PPARG: variants seen among roughly 807,000 people sequenced by gnomAD.
PPARG encodes the protein peroxisome proliferator activated receptor gamma.
In PPARG, 17 loss-of-function variants were observed where a neutral mutation model predicts 39.2. The observed-to-expected ratio is 0.43, with a 90% CI of 0.30 to 0.65. The LOEUF (loss-of-function observed/expected upper bound fraction) is 0.65. PPARG is among the 30% of genes least tolerant of loss of function. The probability of loss-of-function intolerance (pLI) is 0.13; values close to 1 mark genes in which losing one functional copy is unlikely to be tolerated. For synonymous variants in PPARG, 223 were observed against 215.7 expected, an observed-to-expected ratio of 1.03 and a Z score of -0.30; for missense variants, 406 against 585.9, an observed-to-expected ratio of 0.69 and a Z score of 3.17.
rs149324518 is a variant in PPARG, at chr3:12,379,775, G to A, written c.64G>A (p.Val22Ile). 48 of 1,613,886 alleles carry A rather than the reference G, an allele frequency of 3.0e-5. No individual in the cohort carries two copies. In the African/African-American group the frequency reaches 4.0e-4, roughly 13 times the overall value. ...NFGISSVDLS[V>I]MEDHSHSFDI... is the part of the protein sequence containing the mutation. ...TGGGATCAGCTCCGTGGATCTCTCC[G>A]TAATGGAAGACCACTCCCACTCCTT... The change falls in exon 3 of 8, where the codon GTA becomes ATA. Residue 22 changes from valine to isoleucine, a missense_variant. By Grantham distance (29) the Val-to-Ile change is conservative. Around this residue, in one of 2 missense-constraint regions of PPARG, gnomAD observed 131 missense variants for 127.9 expected, o/e 1.02. Coordinates refer to ENST00000651735, the MANE Select transcript of PPARG (RefSeq NM_138711.6).
At chr3:12,373,774 T>C (rs1167826452) in intron 2 of PPARG, among the ~76,000 whole-genome samples, 2 of 152,182 alleles carry the variant, frequency 1.3e-5, no homozygotes, top group African/African-American at 4.8e-5. Context: ...CAGATAATTA[T>C]ATCTGAGTTA....
At chr3:12,348,509 C>T (rs1472786112) in intron 2 of PPARG, among the ~76,000 whole-genome samples, 2 of 152,212 alleles carry the variant, frequency 1.3e-5, no homozygotes, top group Non-Finnish European at 2.9e-5. Flanking sequence ...TCATCCTCCT[C>T]ATTATAGAAT....
chr3:12,302,985 G>A (rs951730727), intron 1 of PPARG, among the ~76,000 whole-genome samples: 1 of 152,188 alleles, frequency 6.6e-6, no homozygotes, highest in African/African-American at 2.4e-5. Flanking sequence ...TGCCCCACAA[G>A]TGTTAGTTAC....
chr3:12,414,233 G>T (rs2050982100), intron 6 of PPARG, among the ~76,000 whole-genome samples: 1 of 152,190 alleles, frequency 6.6e-6, no homozygotes, highest in South Asian at 2.1e-4. Context: ...AAAAGGTGAT[G>T]ATTTTATATT....
chr3:12,401,885 AC>A (rs372700348), intron 5 of PPARG, among the ~76,000 whole-genome samples: 1 of 152,356 alleles, frequency 6.6e-6, no homozygotes, highest in African/African-American at 2.4e-5. Flanking sequence ...TTACAAAAAT[AC>A]GTTTTAGTGA....
chr3:12,288,526 A>G (rs549796917), upstream of PPARG, among the ~76,000 whole-genome samples: 8 of 151,832 alleles, frequency 5.3e-5, no homozygotes, highest in Admixed American at 1.3e-4. Flanking sequence ...GGAACTTTGG[A>G]GCAGGGTGTC....
At chr3:12,340,505 CTG>C (rs1559499590) in intron 2 of PPARG, among the ~76,000 whole-genome samples, 1 of 152,138 alleles carries the variant, frequency 6.6e-6, no homozygotes, top group African/African-American at 2.4e-5. Context: ...CTCCTTCCCT[CTG>C]TGTTTCAATA....
At chr3:12,308,800 A>G (rs545452415) in intron 1 of PPARG, among the ~76,000 whole-genome samples, 92 of 152,360 alleles carry the variant, frequency 6.0e-4, no homozygotes, top group Non-Finnish European at 1.0e-3. Context: ...CACTGAGAAA[A>G]TAGAATTGAA....
intron 2 of PPARG, among the ~76,000 whole-genome samples, chr3:12,312,709 AT>A (rs1164156930): frequency 6.6e-6 from 1 of 151,734 alleles, no homozygotes. Flanking sequence ...TGAATCTCTA[AT>A]TAAAGTCTTT....
At chr3:12,426,030 G>A (rs2051432906) in intron 7 of PPARG, among the ~76,000 whole-genome samples, 1 of 152,180 alleles carries the variant, frequency 6.6e-6, no homozygotes, top group South Asian at 2.1e-4. Context: ...CTGTTTTGTG[G>A]TTTGGGAGTT....
chr3:12,309,198 T>C (rs1351146534), intron 1 of PPARG, among the ~76,000 whole-genome samples: 1 of 152,220 alleles, frequency 6.6e-6, no homozygotes, highest in Admixed American at 6.5e-5. Context: ...ATGATACTGA[T>C]TGTAAAGTTT....
chr3:12,337,054 A>C (rs932265416), intron 2 of PPARG, among the ~76,000 whole-genome samples: 3 of 152,186 alleles, frequency 2.0e-5, no homozygotes, highest in African/African-American at 7.2e-5. Flanking sequence ...TTAATAATAT[A>C]CTTGGGGAAA....
intron 2 of PPARG, among the ~76,000 whole-genome samples, chr3:12,369,104 A>G (rs1364704612): frequency 6.6e-6 from 1 of 152,224 alleles, no homozygotes; most frequent in Non-Finnish European, 1.5e-5. Context: ...AGAGATACTC[A>G]TTCCCACAGC....
chr3:12,311,000 C>CA (rs950572315), intron 1 of PPARG, among the ~76,000 whole-genome samples: 4 of 152,198 alleles, frequency 2.6e-5, no homozygotes, highest in African/African-American at 9.6e-5. Context: ...AAACATAAAA[C>CA]ATGTGGGCAT....
intron 4 of PPARG, among the ~76,000 whole-genome samples, chr3:12,386,570 G>A (rs1052872824): frequency 1.3e-5 from 2 of 150,356 alleles, no homozygotes; most frequent in Admixed American, 1.3e-4. Context: ...ACCCATTAAC[G>A]AGGGAAAAGC....
In PPARG at chr3:12,384,540, A is replaced by G. The variant is rs146824705; in HGVS notation, c.390+3049A>G. Among the ~76,000 whole-genome samples the G allele has an allele frequency of 1.8e-3, 270 of 152,138 alleles. 2 individuals carry two copies. Among genetic ancestry groups the G allele is most frequent in the African/African-American group, 6.0e-3 (250 of 41,526 alleles). ...ATATATCATTATTTAACCACATCCT[A>G]CTCAGGTTTTCTCATCTAGAAAATG... On this transcript the variant is annotated intron_variant, in intron 4 of 7. Transcript: ENST00000651735.
intron 2 of PPARG, among the ~76,000 whole-genome samples, chr3:12,340,609 C>G (rs1222509902): frequency 6.6e-6 from 1 of 152,086 alleles, no homozygotes; most frequent in Non-Finnish European, 1.5e-5. Context: ...CTAGAGGTAT[C>G]TGAAGAAAAG....
intron 7 of PPARG, among the ~76,000 whole-genome samples, chr3:12,424,095 C>T (rs538734634): frequency 7.2e-4 from 109 of 152,212 alleles, no homozygotes; most frequent in African/African-American, 2.4e-3. Flanking sequence ...CTAGAAATGT[C>T]CCATTAGTTC....
At chr3:12,304,259 C>A (rs909074996) in intron 1 of PPARG, among the ~76,000 whole-genome samples, 2 of 152,136 alleles carry the variant, frequency 1.3e-5, no homozygotes, top group African/African-American at 2.4e-5. Flanking sequence ...GCGTGACTAC[C>A]CACTTGAGGA....
Sources: allele counts gnomAD v4.1 joint callset (sites outside exome capture counted in the v4.1 genomes callset), GRCh38; gene constraint gnomAD v4.1.1; regional missense constraint gnomAD v4.1.1; transcripts MANE v1.5; gene names NCBI Gene and HGNC (gene_info 2026-07-23, HGNC 2026-07-21).